The following MAGI2 variants were observed in gnomAD, a reference collection of about 807,000 sequenced individuals.
The protein encoded by MAGI2 is membrane associated guanylate kinase, WW and PDZ domain containing 2.
In MAGI2, 35 loss-of-function variants were observed where a neutral mutation model predicts 133.3. The observed-to-expected ratio is 0.26, with a 90% confidence interval of 0.20 to 0.35. The LOEUF is 0.35. Among genes scored for constraint, MAGI2 ranks in the 10% least tolerant of loss-of-function variants. MAGI2 has a pLI of 1.00. For synonymous variants in MAGI2, 729 were observed against 710.6 expected (o/e 1.03, Z -0.41); for missense variants, 1,636 against 1,863.4 (o/e 0.88, Z 2.25).
chr7:79,197,639 C>G (rs1374080004), intron 1 of MAGI2, among the ~76,000 whole-genome samples: 3 of 151,996 alleles, frequency 2.0e-5, no homozygotes, highest in Non-Finnish European at 2.9e-5. Context: ...CTGTTTGTTG[C>G]TGCTGTAACA....
At chr7:78,145,484 A>C (rs1823207872) in intron 16 of MAGI2, among the ~76,000 whole-genome samples, 1 of 151,746 alleles carries the variant, frequency 6.6e-6, no homozygotes, top group Admixed American at 6.6e-5. Flanking sequence ...TCTTTCTGCA[A>C]CTCTCATTAG....
chr7:79,284,098 T>C (rs1835839493), intron 1 of MAGI2, among the ~76,000 whole-genome samples: 1 of 152,076 alleles, frequency 6.6e-6, no homozygotes, highest in Non-Finnish European at 1.5e-5. Context: ...TTGATGATGT[T>C]CACACAATAA....
chr7:78,594,457 T>C (rs1194283170), intron 3 of MAGI2, among the ~76,000 whole-genome samples: 1 of 151,754 alleles, frequency 6.6e-6, no homozygotes, highest in Middle Eastern at 3.2e-3. Flanking sequence ...AGGAATTCTA[T>C]TTTTTTTGTT....
intron 2 of MAGI2, among the ~76,000 whole-genome samples, chr7:78,631,059 T>C (rs1808941340): frequency 6.6e-6 from 1 of 152,124 alleles, no homozygotes; most frequent in Admixed American, 6.5e-5. Context: ...AAGCTTCCTG[T>C]CGAAGGTTGC....
At chr7:78,413,222 G>C (rs1383474067) in intron 6 of MAGI2, among the ~76,000 whole-genome samples, 1 of 152,072 alleles carries the variant, frequency 6.6e-6, no homozygotes, top group East Asian at 1.9e-4. Context: ...TTAGGACTCT[G>C]ATCTGTGTAA....
At chr7:79,451,461 T>G (rs1849243070) in intron 1 of MAGI2, among the ~76,000 whole-genome samples, 1 of 152,308 alleles carries the variant, frequency 6.6e-6, no homozygotes, top group South Asian at 2.1e-4. Context: ...ATCAAGTTAC[T>G]CTATTTTCCT....
intron 1 of MAGI2, among the ~76,000 whole-genome samples, chr7:79,047,837 T>C (rs1188805895): frequency 6.6e-6 from 1 of 152,188 alleles, no homozygotes; most frequent in African/African-American, 2.4e-5. Flanking sequence ...TTAGGGGACA[T>C]TGTTTATTCT....
intron 6 of MAGI2, among the ~76,000 whole-genome samples, chr7:78,405,548 G>A (rs960945825): frequency 2.2e-4 from 34 of 152,164 alleles, no homozygotes; most frequent in African/African-American, 7.5e-4. Flanking sequence ...TACTACATGT[G>A]TCAAGAGCAG....
At chr7:79,306,714 C>T (rs1837844889) in intron 1 of MAGI2, among the ~76,000 whole-genome samples, 1 of 152,082 alleles carries the variant, frequency 6.6e-6, no homozygotes, top group East Asian at 1.9e-4. Flanking sequence ...GCATTGTAAG[C>T]ATTTACTGTG....
intron 1 of MAGI2, among the ~76,000 whole-genome samples, chr7:79,394,928 C>A (rs1022773694): frequency 6.6e-6 from 1 of 152,092 alleles, no homozygotes; most frequent in Non-Finnish European, 1.5e-5. Flanking sequence ...CTTTGAAGAA[C>A]AAATGTGCTC....
chr7:79,311,045 G>C (rs781157332), intron 1 of MAGI2, among the ~76,000 whole-genome samples: 2 of 151,802 alleles, frequency 1.3e-5, no homozygotes, highest in Non-Finnish European at 2.9e-5. Context: ...CCAACAAATT[G>C]TTTCTGATCA....
intron 9 of MAGI2, among the ~76,000 whole-genome samples, chr7:78,300,241 C>G (rs1048293825): frequency 6.6e-6 from 1 of 152,030 alleles, no homozygotes; most frequent in Non-Finnish European, 1.5e-5. Flanking sequence ...AATGAAGAAT[C>G]GAAAATGTTA....
At chr7:79,253,981 TCAAAACAAAACAAAA>T (rs71951560) in intron 1 of MAGI2, among the ~76,000 whole-genome samples, 9 of 151,162 alleles carry the variant, frequency 6.0e-5, no homozygotes, top group East Asian at 2.0e-4. Flanking sequence ...AAATTGCCCT[TCAAAACAAAACAAAA>T]CAAAACAAAA....
intron 1 of MAGI2, among the ~76,000 whole-genome samples, chr7:79,357,908 A>G (rs1842132215): frequency 6.6e-6 from 1 of 152,220 alleles, no homozygotes; most frequent in African/African-American, 2.4e-5. Context: ...GCAAATCATA[A>G]AAATGCAAAT....
chr7:79,187,132 A>T (rs1827243394), intron 1 of MAGI2, among the ~76,000 whole-genome samples: 1 of 151,668 alleles, frequency 6.6e-6, no homozygotes, highest in African/African-American at 2.4e-5. Context: ...AACAGAGATG[A>T]TTTGAAAATC....
chr7:79,363,135 A>G (rs1330013448), intron 1 of MAGI2, among the ~76,000 whole-genome samples: 5 of 151,616 alleles, frequency 3.3e-5, no homozygotes, highest in Non-Finnish European at 4.4e-5. Flanking sequence ...AAAATCAATC[A>G]CATTTCTACA....
chr7:79,447,520 CAACGAAAATGCT>C (rs1848940996), intron 1 of MAGI2, among the ~76,000 whole-genome samples: 1 of 151,908 alleles, frequency 6.6e-6, no homozygotes, highest in Admixed American at 6.6e-5. Context: ...AGGATTAATT[CAACGAAAATGCT>C]AAAATTATGG....
rs542811490 is a variant in MAGI2, at chr7:79,399,455, G to A, written c.301+53565C>T. Among the ~76,000 whole-genome samples, 7 of 152,094 alleles carry A rather than the reference G, an allele frequency of 4.6e-5. No individual in the cohort carries two copies. The South Asian group carries it at 1.2e-3, about 27-fold the overall frequency. ...ACCAGGACTGGGGCTTATTTCCCAG[G>A]GGCTGGGTTCAGTTGCTTCACTGCC... On this transcript the variant is annotated intron_variant, in intron 1 of 21. Transcript: ENST00000354212.
At chr7:79,206,114 C>T (rs1225702452) in intron 1 of MAGI2, among the ~76,000 whole-genome samples, 1 of 150,902 alleles carries the variant, frequency 6.6e-6, no homozygotes, top group Non-Finnish European at 1.5e-5. Context: ...TAAATGCCTA[C>T]CTCAAAACAA....
Sources: allele counts gnomAD v4.1 joint callset (sites outside exome capture counted in the v4.1 genomes callset), GRCh38; gene constraint gnomAD v4.1.1; transcripts MANE v1.5; gene names NCBI Gene and HGNC (gene_info 2026-07-23, HGNC 2026-07-21).